Variants in WDR20 observed in about 807,000 individuals in gnomAD.
WDR20 encodes WD repeat domain 20, also known as WD repeat-containing protein 20.
A neutral mutation model predicts 38.7 loss-of-function variants in WDR20; 3 were observed. The ratio of observed to expected loss-of-function variants is 0.08; its 90% CI spans 0.04 to 0.20. The LOEUF (loss-of-function observed/expected upper bound fraction) is 0.20, where lower values mean the gene tolerates loss of function less well. Ranked by LOEUF, WDR20 falls within the 10% of genes least tolerant of loss-of-function variation. The pLI, the probability that WDR20 is intolerant of heterozygous loss-of-function variation, is 1.00. For synonymous variants in WDR20, 298 were observed against 285.6 expected (o/e 1.04, Z -0.44); for missense variants, 559 against 727.7 (o/e 0.77, Z 2.67).
At chr14:102,185,075 A>C (rs2064300188) in intron 1 of WDR20, among the ~76,000 whole-genome samples, 1 of 152,228 alleles carries the variant, frequency 6.6e-6, no homozygotes, top group African/African-American at 2.4e-5. Flanking sequence ...AACCTGCTGA[A>C]AGTGGGCTTC....
downstream of WDR20, among the ~76,000 whole-genome samples, chr14:102,218,119 C>T (rs541852597): frequency 2.3e-4 from 35 of 152,332 alleles, no homozygotes; most frequent in Non-Finnish European, 3.8e-4. Context: ...AGGAGAGAAG[C>T]GCTAGTCTGC....
chr14:102,155,589 A>G (rs2057180858), intron 1 of WDR20, among the ~76,000 whole-genome samples: 1 of 152,200 alleles, frequency 6.6e-6, no homozygotes, highest in Admixed American at 6.5e-5. Flanking sequence ...ATTAGACAGC[A>G]TTGACTCATT....
intron 1 of WDR20, among the ~76,000 whole-genome samples, chr14:102,151,985 G>A (rs984373784): frequency 4.6e-5 from 7 of 151,920 alleles, no homozygotes; most frequent in South Asian, 4.2e-4. Flanking sequence ...GCACTGGCAC[G>A]ATCTCAACTC....
intron 1 of WDR20, among the ~76,000 whole-genome samples, chr14:102,152,459 G>T (rs895832330): frequency 1.8e-4 from 27 of 149,614 alleles, no homozygotes; most frequent in African/African-American, 6.1e-4. Flanking sequence ...TCTGTCACCA[G>T]GCTGGAGTAC....
chr14:102,139,882 G>T, upstream of WDR20: 1 of 1,598,900 alleles, frequency 6.3e-7, no homozygotes, highest in Non-Finnish European at 8.6e-7. Context: ...CGCGGTGGGC[G>T]TGATCCGGGC....
intron 1 of WDR20, among the ~76,000 whole-genome samples, chr14:102,149,616 C>T (rs1566802146): frequency 6.6e-6 from 1 of 152,212 alleles, no homozygotes; most frequent in South Asian, 2.1e-4. Context: ...GCTCTTTTAG[C>T]ATTTTTCTCA....
In WDR20 at chr14:102,221,850, G is replaced by A. The variant is rs1268689329; in HGVS notation, c.1693-980G>A. On this transcript the variant is annotated intron_variant, in intron 3 of 3. Transcript: ENST00000335263. This position sits in a 1 kb window ranked among gnomAD's most constrained non-coding sequence, Gnocchi z 4.8. The stretch of plus-strand genomic sequence containing the variant: ...CATTTGTAAACAGTACTCATCAGCT[G>A]AAGCCTTCTTCCATGACAGCTAAGT... 6.6e-6 allele frequency among the ~76,000 whole-genome samples: 1 copy of A among 152,190 alleles called. No individual in the cohort carries two copies. Among genetic ancestry groups the A allele is most frequent in the East Asian group, 1.9e-4 (1 of 5,188 alleles).
downstream of WDR20, among the ~76,000 whole-genome samples, chr14:102,211,001 A>C (rs567787867): frequency 1.4e-4 from 21 of 152,256 alleles, no homozygotes; most frequent in Admixed American, 7.2e-4. The surrounding 1 kb of genome is among the most constrained non-coding windows in gnomAD (Gnocchi z 4.2). Context: ...CTCCCACCCT[A>C]GCGCCTCAGC....
At chr14:102,214,408 C>T, downstream of WDR20, 1 of 985,430 alleles carries the variant, frequency 1.0e-6, no homozygotes, top group Non-Finnish European at 1.2e-6. Context: ...TGTAAAAGCA[C>T]TCGTATGCAA....
At chr14:102,192,210 C>T (rs1331535997) in intron 1 of WDR20, among the ~76,000 whole-genome samples, 7 of 150,206 alleles carry the variant, frequency 4.7e-5, no homozygotes, top group Admixed American at 6.6e-5. Context: ...GACAGAGTCT[C>T]GCTCTGTCAC....
chr14:102,147,165 C>A (rs534587147), intron 1 of WDR20, among the ~76,000 whole-genome samples: 1 of 152,186 alleles, frequency 6.6e-6, no homozygotes, highest in African/African-American at 2.4e-5. Context: ...GAGGCTGAGG[C>A]GGGTGGATCA....
At chr14:102,219,217 G>A (rs2063597614), downstream of WDR20, among the ~76,000 whole-genome samples, 1 of 152,232 alleles carries the variant, frequency 6.6e-6, no homozygotes, top group South Asian at 2.1e-4. Context: ...GAAACAAGGT[G>A]ACTTTTTTCA....
Position 102,203,836 on chromosome 14 carries a change from A to G in WDR20, c.433-4767A>G, listed in dbSNP as rs548671266. ...CTGACTAAGATTTTTTTTTTTAACT[A>G]GACTTTTTCTGAAACAAAAATATAC... On this transcript the variant is annotated intron_variant, in intron 2 of 2. Transcript: ENST00000342702. Among the ~76,000 whole-genome samples, 36 of 152,198 alleles carry G rather than the reference A, an allele frequency of 2.4e-4. No homozygotes were observed. The South Asian group carries it at 6.0e-3, about 25-fold the overall frequency.
downstream of WDR20, chr14:102,212,702 C>T: frequency 1.3e-6 from 2 of 1,489,986 alleles, no homozygotes; most frequent in Non-Finnish European, 1.8e-6. Context: ...GGAGGGGTGG[C>T]CGCGGTGGTT....
At chr14:102,161,121 C>CAT (rs1180738049) in intron 1 of WDR20, among the ~76,000 whole-genome samples, 674 of 11,124 alleles carry the variant, frequency 0.061, 102 homozygotes, top group Middle Eastern at 0.39. Flanking sequence ...AGCATAACTG[C>CAT]ATATATATAT....
At position 102,210,281 on chromosome 14, in the gene WDR20, G is replaced by C. The variant is rs951164937; in HGVS notation, c.*401G>C. 2.0e-6 allele frequency: 2 copies of C among 997,310 alleles called. No homozygotes were observed. Among genetic ancestry groups the C allele is most frequent in the Non-Finnish European group, 2.4e-6 (2 of 837,028 alleles). The allele number at this position is 997,310 out of a possible 1,614,324, so 61.8% of individuals were successfully genotyped here. ...TACTCAATTAGAATATTGTACACCTGATCAATGTGTGTTCAGCACAGATGG... is the reference window on the plus strand; with the variant it reads ...TACTCAATTAGAATATTGTACACCTCATCAATGTGTGTTCAGCACAGATGG... On this transcript the variant is annotated 3_prime_UTR_variant, in exon 3 of 3. Coordinates refer to ENST00000342702, the MANE Select transcript of WDR20 (RefSeq NM_144574.4).
chr14:102,189,164 C>T (rs998515137), intron 1 of WDR20, among the ~76,000 whole-genome samples: 34 of 151,568 alleles, frequency 2.2e-4, no homozygotes, highest in African/African-American at 6.3e-4. Context: ...GAGCCCAGAT[C>T]GCACCACTGC....
chr14:102,208,861 G>C lies in WDR20; in HGVS notation c.691G>C (p.Asp231His), dbSNP rs972894002. The change falls in exon 3 of 3, where the codon GAT (aspartate) becomes CAT (histidine). Residue 231 changes from aspartate (D) to histidine (H), a missense_variant. By Grantham distance (81) the Asp-to-His change is moderately conservative (BLOSUM62 -1). Coordinates refer to ENST00000342702, the MANE Select transcript of WDR20 (RefSeq NM_144574.4). The surrounding 1 kb of genome is among the most constrained non-coding windows in gnomAD (Gnocchi z 5.6). The part of the protein sequence containing the change: ...GALNEFAFSP[D>H]GKFLACVSQD... ...CCTCAACGAGTTTGCTTTCTCCCCA[G>C]ATGGCAAGTTCTTAGCGTGCGTGAG... The C allele has an allele frequency of 5.0e-6, 8 of 1,614,140 alleles. 1 individual carries two copies. The highest frequency in any genetic ancestry group is 3.3e-4 in the Middle Eastern group (2 of 6,084).
intron 1 of WDR20, among the ~76,000 whole-genome samples, chr14:102,147,794 G>A (rs1470543629): frequency 1.3e-5 from 2 of 152,168 alleles, no homozygotes. Context: ...GCAATGGCAT[G>A]ATCTTGGTTC....
Sources: allele counts gnomAD v4.1 joint callset (sites outside exome capture counted in the v4.1 genomes callset), GRCh38; gene constraint gnomAD v4.1.1; non-coding constraint Gnocchi (gnomAD v3.1); transcripts MANE v1.5; gene names NCBI Gene and HGNC (gene_info 2026-07-23, HGNC 2026-07-21).